Variants in FBXL7 observed in about 807,000 individuals in gnomAD.
FBXL7 encodes F-box and leucine rich repeat protein 7.
FBXL7 carries 12 observed loss-of-function variants against 38.3 expected under a neutral mutation model. The ratio of observed to expected loss-of-function variants is 0.31; its 90% confidence interval spans 0.20 to 0.51. The LOEUF (loss-of-function observed/expected upper bound fraction) is 0.51. Ranked by LOEUF, FBXL7 falls within the 20% of genes least tolerant of loss-of-function variation. The pLI, the probability that FBXL7 is intolerant of heterozygous loss-of-function variation, is 0.98. For missense variants in FBXL7, 567 were observed against 676.4 expected (o/e 0.84, Z 1.79); for synonymous variants, 297 against 300.9 (o/e 0.99, Z 0.13).
intron 1 of FBXL7, among the ~76,000 whole-genome samples, chr5:15,546,492 G>A (rs542332692): frequency 4.6e-5 from 7 of 151,924 alleles, no homozygotes; most frequent in East Asian, 3.9e-4. Context: ...GCTTGAATCC[G>A]GGATGCAGAG....
intron 1 of FBXL7, among the ~76,000 whole-genome samples, chr5:15,564,491 C>T (rs879553633): frequency 2.6e-5 from 4 of 151,370 alleles, no homozygotes; most frequent in African/African-American, 7.3e-5. Flanking sequence ...TGGCAGTGTT[C>T]ATGGGATTTA....
At chr5:15,723,605 C>T (rs1245445224) in intron 2 of FBXL7, among the ~76,000 whole-genome samples, 1 of 152,090 alleles carries the variant, frequency 6.6e-6, no homozygotes, top group Non-Finnish European at 1.5e-5. Context: ...AGCATACAGT[C>T]GAAGGACACA....
chr5:15,727,984 T>C (rs141358369), intron 2 of FBXL7, among the ~76,000 whole-genome samples: 1 of 152,318 alleles, frequency 6.6e-6, no homozygotes, highest in East Asian at 1.9e-4. Flanking sequence ...GCTCATTCTT[T>C]CTTCTGCCTG....
At chr5:15,692,708 C>T (rs1236976210) in intron 2 of FBXL7, among the ~76,000 whole-genome samples, 1 of 152,176 alleles carries the variant, frequency 6.6e-6, no homozygotes, top group Non-Finnish European at 1.5e-5. Flanking sequence ...GGTCACAGCT[C>T]TTCTAGGGGT....
At chr5:15,811,969 C>T (rs574299896) in intron 2 of FBXL7, among the ~76,000 whole-genome samples, 1 of 152,238 alleles carries the variant, frequency 6.6e-6, no homozygotes, top group East Asian at 1.9e-4. Flanking sequence ...CCATTTGACC[C>T]AGCAATCCCA....
chr5:15,665,035 C>G (rs1442372002), intron 2 of FBXL7, among the ~76,000 whole-genome samples: 1 of 152,124 alleles, frequency 6.6e-6, no homozygotes, highest in Non-Finnish European at 1.5e-5. Context: ...AAGAAGTTTG[C>G]TGTCATTCCT....
chr5:15,675,824 C>T (rs933954787), intron 2 of FBXL7, among the ~76,000 whole-genome samples: 6 of 152,116 alleles, frequency 3.9e-5, no homozygotes, highest in Non-Finnish European at 8.8e-5. Context: ...CTTTCGACAC[C>T]GAAGAGAAGG....
Position 15,936,611 on chromosome 5 carries a change from A to C in FBXL7, c.901A>C (p.Thr301Pro), listed in dbSNP as rs1579617592. The C allele has an allele frequency of 6.2e-7, 1 of 1,610,308 alleles. No individual in the cohort carries two copies. Among genetic ancestry groups the C allele is most frequent in the African/African-American group, 1.3e-5 (1 of 75,054 alleles). The change falls in exon 4 of 4, where the codon ACC becomes CCC. Residue 301 changes from threonine to proline, a missense_variant. By Grantham distance (38) the Thr-to-Pro change is conservative (BLOSUM62 -1). Coordinates refer to ENST00000504595, the MANE Select transcript of FBXL7 (RefSeq NM_012304.5). The surrounding 1 kb of genome is among the most constrained non-coding windows in gnomAD (Gnocchi z 6.0). ...HTIAAHCTQLTHLYLRRCVRL... is the reference protein window; with the variant it reads ...HTIAAHCTQLPHLYLRRCVRL... Reference sequence around the variant, plus strand: ...CATCGCGGCGCACTGCACGCAGCTCACCCACCTCTACCTGCGCCGCTGCGT... The same window carrying C: ...CATCGCGGCGCACTGCACGCAGCTCCCCCACCTCTACCTGCGCCGCTGCGT...
chr5:15,533,948 T>C (rs887144755), intron 1 of FBXL7, among the ~76,000 whole-genome samples: 2 of 152,128 alleles, frequency 1.3e-5, no homozygotes, highest in East Asian at 1.9e-4. Context: ...CACCTTTTTT[T>C]CCCCCTTTTT....
chr5:15,760,518 C>G (rs1202545102), intron 2 of FBXL7, among the ~76,000 whole-genome samples: 2 of 151,748 alleles, frequency 1.3e-5, no homozygotes, highest in Non-Finnish European at 2.9e-5. Context: ...AGGTTTTTCA[C>G]AGGCTCATCA....
intron 2 of FBXL7, among the ~76,000 whole-genome samples, chr5:15,859,495 GAAA>G (rs1739380328): frequency 6.6e-6 from 1 of 152,168 alleles, no homozygotes; most frequent in African/African-American, 2.4e-5. Flanking sequence ...ACTGATAAAG[GAAA>G]GGGTTTTAAT....
chr5:15,702,075 T>C (rs1743540665), intron 2 of FBXL7, among the ~76,000 whole-genome samples: 1 of 151,882 alleles, frequency 6.6e-6, no homozygotes, highest in Admixed American at 6.6e-5. Context: ...CCCTCTCTAC[T>C]AAAAATACAA....
rs192850008 is a variant in FBXL7 at position 15,849,679 on chromosome 5, G to A, written c.128-78211G>A. Among the ~76,000 whole-genome samples, 18 of 152,262 alleles carry A rather than the reference G, an allele frequency of 1.2e-4. No individual in the cohort carries two copies. The East Asian group carries it at 3.3e-3, about 28-fold the overall frequency. On this transcript the variant is annotated intron_variant, in intron 2 of 3. Coordinates refer to ENST00000504595, the MANE Select transcript of FBXL7 (RefSeq NM_012304.5). ...TTCTTTATAAATTACCCAGTCTCAGGTGTGTCTTTATTAGCAGAGTGGAAA... is the reference window on the plus strand; with the variant it reads ...TTCTTTATAAATTACCCAGTCTCAGATGTGTCTTTATTAGCAGAGTGGAAA...
intron 1 of FBXL7, chr5:15,580,880 G>A: frequency 1.1e-6 from 1 of 935,254 alleles, no homozygotes; most frequent in Non-Finnish European, 1.3e-6. Context: ...GAAGGGGCAT[G>A]GAAGACAGAA....
At chr5:15,885,317 G>C (rs1740631388) in intron 2 of FBXL7, among the ~76,000 whole-genome samples, 2 of 152,232 alleles carry the variant, frequency 1.3e-5, no homozygotes, top group Admixed American at 6.5e-5. Flanking sequence ...GAGAGGGCGA[G>C]AGAGAGGATG....
rs1463946337 is a variant in FBXL7, at chr5:15,619,808, CT to C, written c.127+3737del. 2.6e-5 allele frequency among the ~76,000 whole-genome samples: 4 copies of C among 152,288 alleles called. No individual in the cohort carries two copies. The South Asian group carries it at 6.2e-4, about 24-fold the overall frequency. On this transcript the variant is annotated intron_variant, in intron 2 of 3. Transcript: ENST00000504595. ...TTTTGCAGAAGTGTTGGCCTTTTCC[CT>C]GATGGGATGGATAGGGAGGGTTCAC...
intron 2 of FBXL7, among the ~76,000 whole-genome samples, chr5:15,760,197 G>A (rs1265630890): frequency 6.6e-6 from 1 of 152,034 alleles, no homozygotes; most frequent in African/African-American, 2.4e-5. Flanking sequence ...TCTCTAAATT[G>A]TCTGGAGAGT....
chr5:15,683,306 T>C (rs933045195), intron 2 of FBXL7, among the ~76,000 whole-genome samples: 5 of 152,192 alleles, frequency 3.3e-5, no homozygotes, highest in African/African-American at 1.2e-4. Context: ...TCTTGGGTCA[T>C]GTGGCTTTAT....
chr5:15,814,655 G>A (rs1737963282), intron 2 of FBXL7, among the ~76,000 whole-genome samples: 1 of 151,892 alleles, frequency 6.6e-6, no homozygotes, highest in Admixed American at 6.6e-5. Flanking sequence ...TTTAATGGTA[G>A]AATTTAAAAA....
Sources: allele counts gnomAD v4.1 joint callset (sites outside exome capture counted in the v4.1 genomes callset), GRCh38; gene constraint gnomAD v4.1.1; non-coding constraint Gnocchi (gnomAD v3.1); transcripts MANE v1.5; gene names NCBI Gene and HGNC (gene_info 2026-07-23, HGNC 2026-07-21).